NLN: variants seen among roughly 807,000 people sequenced by gnomAD.
NLN encodes the protein neurolysin, also known as neurolysin, mitochondrial.
Under a neutral mutation model 79.9 loss-of-function variants are expected in NLN, and 64 were observed. The observed-to-expected ratio is 0.80, with a 90% confidence interval of 0.65 to 0.99. The LOEUF is 0.99. Ranked by LOEUF, NLN falls within the 50% of genes least tolerant of loss-of-function variation. NLN has a pLI of 0.00. For synonymous variants in NLN, 267 were observed against 296.6 expected (o/e 0.90, Z 1.02); for missense variants, 835 against 858.7 (o/e 0.97, Z 0.34).
chr5:65,763,698 T>C (rs1008955886), intron 3 of NLN, among the ~76,000 whole-genome samples: 3 of 150,244 alleles, frequency 2.0e-5, no homozygotes, highest in Non-Finnish European at 4.4e-5. Flanking sequence ...AATTCCAGGC[T>C]TTTTTTTTGT....
At chr5:65,804,137 C>A (rs971798528) in intron 9 of NLN, among the ~76,000 whole-genome samples, 2 of 152,186 alleles carry the variant, frequency 1.3e-5, no homozygotes, top group Non-Finnish European at 2.9e-5. Context: ...TTTGTAATAT[C>A]ATTTAACCTT....
At chr5:65,805,538 C>T (rs1398196459) in intron 9 of NLN, among the ~76,000 whole-genome samples, 1 of 152,174 alleles carries the variant, frequency 6.6e-6, no homozygotes, top group Non-Finnish European at 1.5e-5. Context: ...AAAGTCTAAT[C>T]CAGAGCAAGA....
At chr5:65,807,836 T>C (rs1243550579) in intron 9 of NLN, among the ~76,000 whole-genome samples, 2 of 152,164 alleles carry the variant, frequency 1.3e-5, no homozygotes, top group African/African-American at 4.8e-5. Context: ...ATCAAAAAGT[T>C]TGTGTGGCTT....
At chr5:65,733,305 T>G (rs1758653158) in intron 1 of NLN, 1 of 1,514,786 alleles carries the variant, frequency 6.6e-7, no homozygotes, top group Non-Finnish European at 9.0e-7. Context: ...GTTAAAGGAC[T>G]GTCAGATCCA....
chr5:65,782,980 C>A (rs1368227037), intron 6 of NLN, among the ~76,000 whole-genome samples: 1 of 152,186 alleles, frequency 6.6e-6, no homozygotes, highest in African/African-American at 2.4e-5. Context: ...CATTCCTGTA[C>A]ATTTTTCATT....
intron 3 of NLN, among the ~76,000 whole-genome samples, chr5:65,776,126 G>T (rs1759674223): frequency 6.6e-6 from 1 of 152,126 alleles, no homozygotes; most frequent in Admixed American, 6.6e-5. Flanking sequence ...GGTGGCACAT[G>T]CCTGTGATCC....
At chr5:65,780,316 A>C (rs756149879) in intron 5 of NLN, 35 bp downstream of exon 5, 1 of 810,948 alleles carries the variant, frequency 1.2e-6, no homozygotes, top group Non-Finnish European at 2.0e-6. Flanking sequence ...TAAATCATAT[A>C]ATTTAGGCAA....
chr5:65,780,236 C>G lies in NLN; in HGVS notation c.616C>G (p.Leu206Val), dbSNP rs772371405. The G allele has an allele frequency of 3.3e-6, 5 of 1,497,568 alleles. No homozygotes were observed. Among genetic ancestry groups the G allele is most frequent in the African/African-American group, 2.8e-5 (2 of 71,690 alleles). 92.8% of individuals were successfully genotyped at this position (1,497,568 alleles called of 1,614,324 possible). ...SELCIDFNKN[L>V]NEDDTFLVFS... The stretch of plus-strand genomic sequence containing the variant: ...GCTATGTATTGATTTTAACAAAAAC[C>G]TCAATGAGGATGATACCTTCCTTGT... The change falls in exon 5 of 13, where the codon CTC becomes GTC. Residue 206 changes from leucine to valine, a missense_variant. By Grantham distance (32) the Leu-to-Val change is conservative. Transcript: ENST00000380985.
At chr5:65,797,597 T>C (rs1333043340) in intron 9 of NLN, among the ~76,000 whole-genome samples, 1 of 152,140 alleles carries the variant, frequency 6.6e-6, no homozygotes, top group Admixed American at 6.5e-5. Flanking sequence ...ATTCAGAAAA[T>C]GGGGACAACA....
intron 1 of NLN, among the ~76,000 whole-genome samples, chr5:65,753,770 T>C (rs1759155752): frequency 6.6e-6 from 1 of 152,190 alleles, no homozygotes; most frequent in South Asian, 2.1e-4. Flanking sequence ...TCCTATGTTT[T>C]AGTCGTTGTT....
At chr5:65,776,349 A>G (rs1377983326) in intron 3 of NLN, among the ~76,000 whole-genome samples, 3 of 152,260 alleles carry the variant, frequency 2.0e-5, no homozygotes, top group Non-Finnish European at 1.5e-5. Flanking sequence ...CTGCTGCAAC[A>G]AAAGATATAC....
chr5:65,755,265 C>T (rs941737604), intron 1 of NLN, among the ~76,000 whole-genome samples: 12 of 152,112 alleles, frequency 7.9e-5, no homozygotes, highest in Non-Finnish European at 1.6e-4. Flanking sequence ...AAATTTAAAA[C>T]ATATTTATAC....
At position 65,762,204 on chromosome 5, in the gene NLN, G is replaced by C. The variant is rs183521098; in HGVS notation, c.302-756G>C. Among the ~76,000 whole-genome samples the C allele has an allele frequency of 1.4e-3, 215 of 152,200 alleles. 1 individual carries two copies. The highest frequency in any genetic ancestry group is 3.4e-3 in the Middle Eastern group (1 of 294). On this transcript the variant is annotated intron_variant, in intron 2 of 12. Coordinates refer to ENST00000380985, the MANE Select transcript of NLN (RefSeq NM_020726.5). The stretch of plus-strand genomic sequence containing the variant: ...TGGATGTGTCCACTTAGATTTCTGG[G>C]GATCCTTTGAAGTTATCTGGAATTT...
chr5:65,759,400 C>CTGTG (rs4019070), intron 2 of NLN, among the ~76,000 whole-genome samples: 2 of 147,928 alleles, frequency 1.4e-5, no homozygotes, highest in Non-Finnish European at 3.0e-5. Context: ...GTGTGTGTGT[C>CTGTG]TGTGTGTGTG....
At chr5:65,782,524 C>T (rs1759823097) in intron 6 of NLN, among the ~76,000 whole-genome samples, 1 of 152,216 alleles carries the variant, frequency 6.6e-6, no homozygotes, top group Non-Finnish European at 1.5e-5. Flanking sequence ...ACTCTTCCTC[C>T]ATTTAATGAA....
At position 65,741,690 on chromosome 5, in the gene NLN, A is replaced by G. The variant is rs2150738186; in HGVS notation, c.42-16877A>G. ...GTTTCTAGAGAAAAATAAAAGGGGA[A>G]TATCTGAGTTGTGGTTTTCCATGTA... On this transcript the variant is annotated intron_variant, in intron 1 of 12. Coordinates refer to ENST00000380985, the MANE Select transcript of NLN (RefSeq NM_020726.5). Among the ~76,000 whole-genome samples the G allele has an allele frequency of 2.0e-5, 3 of 152,328 alleles. No individual in the cohort carries two copies. The South Asian group carries it at 6.2e-4, about 32-fold the overall frequency.
intron 3 of NLN, among the ~76,000 whole-genome samples, chr5:65,776,337 A>T (rs983180893): frequency 8.5e-5 from 13 of 152,242 alleles, no homozygotes; most frequent in African/African-American, 2.2e-4. Flanking sequence ...CAACTCTGTT[A>T]CCTGCTGCAA....
At chr5:65,727,912 C>G (rs2561207) in intron 1 of NLN, among the ~76,000 whole-genome samples, 141,563 of 152,212 alleles carry the variant, frequency 0.93, 65,897 homozygotes, top group African/African-American at 0.97. Context: ...GATTACAGGT[C>G]CCCACAACCA....
At chr5:65,726,846 T>G (rs1758484039) in intron 1 of NLN, among the ~76,000 whole-genome samples, 1 of 152,230 alleles carries the variant, frequency 6.6e-6, no homozygotes, top group Admixed American at 6.5e-5. Flanking sequence ...GAGTTCATAT[T>G]AGACAACATG....
Sources: allele counts gnomAD v4.1 joint callset (sites outside exome capture counted in the v4.1 genomes callset), GRCh38; gene constraint gnomAD v4.1.1; transcripts MANE v1.5; gene names NCBI Gene and HGNC (gene_info 2026-07-23, HGNC 2026-07-21).